The following MACROD2 variants were observed in gnomAD, a reference collection of about 807,000 sequenced individuals.
MACROD2 encodes ADP-ribose glycohydrolase MACROD2.
A neutral mutation model predicts 70.4 loss-of-function variants in MACROD2; 36 were observed. That is an observed-to-expected ratio of 0.51 (90% confidence interval 0.39 to 0.68). MACROD2 has a LOEUF of 0.68. Among genes scored for constraint, MACROD2 ranks in the 30% least tolerant of loss-of-function variants. The pLI, the probability that MACROD2 is intolerant of heterozygous loss-of-function variation, is 0.00. For missense variants in MACROD2, 496 were observed against 538.4 expected, an observed-to-expected ratio of 0.92 and a Z score of 0.78; for synonymous variants, 172 against 178.8, an observed-to-expected ratio of 0.96 and a Z score of 0.30.
intron 5 of MACROD2, among the ~76,000 whole-genome samples, chr20:15,112,761 A>C (rs2075964416): frequency 6.6e-6 from 1 of 152,120 alleles, no homozygotes; most frequent in Non-Finnish European, 1.5e-5. Flanking sequence ...TCCTAAACTA[A>C]AATTCTGTAC....
chr20:14,608,220 C>A (rs577510663), intron 4 of MACROD2, among the ~76,000 whole-genome samples: 42 of 152,234 alleles, frequency 2.8e-4, no homozygotes, highest in African/African-American at 1.0e-3. Flanking sequence ...TGCGCCATTG[C>A]ACTCCAACCT....
At chr20:14,031,906 G>A (rs1329248279) in intron 2 of MACROD2, among the ~76,000 whole-genome samples, 1 of 152,074 alleles carries the variant, frequency 6.6e-6, no homozygotes, top group Non-Finnish European at 1.5e-5. Context: ...AAAACACTAT[G>A]AAGTAAATAA....
chr20:14,470,224 C>G (rs2084511317), intron 3 of MACROD2, among the ~76,000 whole-genome samples: 1 of 152,142 alleles, frequency 6.6e-6, no homozygotes, highest in Non-Finnish European at 1.5e-5. Flanking sequence ...AGGTCCACTG[C>G]AGACCCTGTT....
At chr20:15,386,885 G>A (rs1440881120) in intron 6 of MACROD2, among the ~76,000 whole-genome samples, 2 of 152,176 alleles carry the variant, frequency 1.3e-5, no homozygotes, top group Admixed American at 6.5e-5. Flanking sequence ...TAAAGTTCCT[G>A]TAATCTGTGA....
chr20:14,047,669 T>G (rs995728900), intron 2 of MACROD2, among the ~76,000 whole-genome samples: 1 of 152,152 alleles, frequency 6.6e-6, no homozygotes, highest in Non-Finnish European at 1.5e-5. Flanking sequence ...GGTGGCAGTA[T>G]TGACAAATTG....
At chr20:14,772,792 C>T (rs2072185868) in intron 5 of MACROD2, among the ~76,000 whole-genome samples, 1 of 151,960 alleles carries the variant, frequency 6.6e-6, no homozygotes, top group African/African-American at 2.4e-5. Context: ...GCCAGATTTC[C>T]CCCAGTGACA....
intron 10 of MACROD2, among the ~76,000 whole-genome samples, chr20:15,913,356 T>A (rs2065264360): frequency 6.6e-6 from 1 of 152,214 alleles, no homozygotes; most frequent in Non-Finnish European, 1.5e-5. Context: ...TCAAATTACT[T>A]TTTTCTTGTT....
At chr20:15,957,274 T>C (rs2065990900) in intron 12 of MACROD2, among the ~76,000 whole-genome samples, 1 of 152,328 alleles carries the variant, frequency 6.6e-6, no homozygotes, top group Non-Finnish European at 1.5e-5. Context: ...AATTTTGTAC[T>C]TTAGGTATGT....
chr20:15,630,266 C>T (rs1024824907), intron 8 of MACROD2, among the ~76,000 whole-genome samples: 6 of 152,172 alleles, frequency 3.9e-5, no homozygotes, highest in Non-Finnish European at 5.9e-5. Context: ...AAGATGATAT[C>T]GCAAGAGATA....
At chr20:15,528,926 T>C (rs1157701287) in intron 8 of MACROD2, among the ~76,000 whole-genome samples, 1 of 152,210 alleles carries the variant, frequency 6.6e-6, no homozygotes. Flanking sequence ...TTAGAATACT[T>C]ACCATCAGTT....
At chr20:15,095,004 C>T (rs2075818087) in intron 5 of MACROD2, among the ~76,000 whole-genome samples, 1 of 149,318 alleles carries the variant, frequency 6.7e-6, no homozygotes, top group Non-Finnish European at 1.5e-5. Context: ...CTTCAAAGAC[C>T]TGTACAGTGA....
At chr20:14,246,892 A>C (rs2081972126) in intron 3 of MACROD2, among the ~76,000 whole-genome samples, 1 of 152,164 alleles carries the variant, frequency 6.6e-6, no homozygotes, top group African/African-American at 2.4e-5. Context: ...TATAATTATC[A>C]AAAGTTAGGG....
chr20:14,712,233 T>C (rs1356796537), intron 5 of MACROD2, among the ~76,000 whole-genome samples: 1 of 152,134 alleles, frequency 6.6e-6, no homozygotes, highest in East Asian at 1.9e-4. Flanking sequence ...GGAGTTATTT[T>C]TAATGAGAAA....
At chr20:15,047,570 T>A (rs1176865610) in intron 5 of MACROD2, among the ~76,000 whole-genome samples, 2 of 152,208 alleles carry the variant, frequency 1.3e-5, no homozygotes, top group East Asian at 3.8e-4. Context: ...TTTAATAATT[T>A]ATTATAAGAG....
intron 15 of MACROD2, among the ~76,000 whole-genome samples, chr20:16,035,143 T>TAAAA (rs1227041493): frequency 1.7e-4 from 19 of 111,472 alleles, no homozygotes; most frequent in South Asian, 5.4e-4. Context: ...ATATTATATA[T>TAAAA]TATATATAAA....
chr20:14,969,254 G>C (rs115618283), intron 5 of MACROD2, among the ~76,000 whole-genome samples: 3,298 of 151,554 alleles, frequency 0.022, 128 homozygotes, highest in African/African-American at 0.074. Flanking sequence ...AGGTATTTGG[G>C]GTTATCAATG....
intron 8 of MACROD2, among the ~76,000 whole-genome samples, chr20:15,644,485 C>G (rs1005776185): frequency 6.6e-6 from 1 of 152,160 alleles, no homozygotes. Context: ...CTTCTGTTTT[C>G]TTACATAAAT....
At chr20:14,858,718 T>A (rs2073282282) in intron 5 of MACROD2, among the ~76,000 whole-genome samples, 1 of 152,124 alleles carries the variant, frequency 6.6e-6, no homozygotes, top group Non-Finnish European at 1.5e-5. Flanking sequence ...AGCAAAAAGA[T>A]TGCAGCATAC....
intron 3 of MACROD2, among the ~76,000 whole-genome samples, chr20:14,193,899 T>C (rs1293520843): frequency 6.6e-6 from 1 of 151,608 alleles, no homozygotes; most frequent in East Asian, 1.9e-4. Flanking sequence ...CAAATTAGAG[T>C]CTCAGTCTTA....
Sources: gnomAD v4.1 joint callset for allele counts (sites outside exome capture counted in the v4.1 genomes callset) on GRCh38, gnomAD v4.1.1 for gene constraint, MANE v1.5 for transcripts, NCBI Gene and HGNC (gene_info 2026-07-23, HGNC 2026-07-21) for gene names.